KIAA0825: variants seen among roughly 807,000 people sequenced by gnomAD.
KIAA0825 encodes uncharacterized protein KIAA0825.
KIAA0825 carries 119 observed loss-of-function variants against 147.6 expected under a neutral mutation model. The ratio of observed to expected loss-of-function variants is 0.81; its 90% CI spans 0.69 to 0.94. KIAA0825 has a LOEUF of 0.94. Among genes scored for constraint, KIAA0825 ranks in the 40% least tolerant of loss-of-function variants. KIAA0825 has a pLI of 0.00. For missense variants in KIAA0825, 1,381 were observed against 1,472.7 expected, an observed-to-expected ratio of 0.94 and a Z score of 1.02; for synonymous variants, 470 against 518.1, an observed-to-expected ratio of 0.91 and a Z score of 1.26.
chr5:94,581,789 C>T (rs1300181515), intron 2 of KIAA0825, among the ~76,000 whole-genome samples: 1 of 152,148 alleles, frequency 6.6e-6, no homozygotes, highest in African/African-American at 2.4e-5. Flanking sequence ...AGAAGTAGTG[C>T]ATAAAACATT....
intron 20 of KIAA0825, among the ~76,000 whole-genome samples, chr5:94,250,078 A>C (rs984682078): frequency 6.6e-6 from 1 of 152,114 alleles, no homozygotes; most frequent in Non-Finnish European, 1.5e-5. Flanking sequence ...TAATATACAC[A>C]CATGCACACC....
chr5:94,558,864 C>G (rs1210104695), intron 2 of KIAA0825, among the ~76,000 whole-genome samples: 1 of 152,204 alleles, frequency 6.6e-6, no homozygotes, highest in Non-Finnish European at 1.5e-5. Flanking sequence ...ATGTCCTTAT[C>G]TCTGAAGACA....
intron 14 of KIAA0825, among the ~76,000 whole-genome samples, chr5:94,439,433 T>G (rs1237579263): frequency 6.6e-6 from 1 of 152,162 alleles, no homozygotes; most frequent in Non-Finnish European, 1.5e-5. Flanking sequence ...AAAAAGAAAC[T>G]AATTAGGAGA....
At chr5:94,506,322 TAAGAACTATAA>T (rs1447914028) in intron 5 of KIAA0825, among the ~76,000 whole-genome samples, 6 of 152,252 alleles carry the variant, frequency 3.9e-5, no homozygotes, top group Non-Finnish European at 7.3e-5. Context: ...TTGATTATTT[TAAGAACTATAA>T]AACTTTGAAC....
chr5:94,223,443 T>G (rs2150068518), intron 20 of KIAA0825, among the ~76,000 whole-genome samples: 1 of 152,342 alleles, frequency 6.6e-6, no homozygotes, highest in South Asian at 2.1e-4. Context: ...GATGATGGTC[T>G]TTGCAGAACA....
intron 14 of KIAA0825, among the ~76,000 whole-genome samples, chr5:94,436,737 T>C (rs1203015506): frequency 6.6e-6 from 1 of 152,216 alleles, no homozygotes; most frequent in African/African-American, 2.4e-5. Flanking sequence ...ACAATATTGA[T>C]TCTTCCTTTC....
At chr5:94,345,205 C>T (rs1424332535) in intron 20 of KIAA0825, among the ~76,000 whole-genome samples, 1 of 152,042 alleles carries the variant, frequency 6.6e-6, no homozygotes, top group African/African-American at 2.4e-5. Context: ...TGGCAATATT[C>T]TATTCCTGGG....
chr5:94,599,505 A>T (rs1481335317), intron 1 of KIAA0825, among the ~76,000 whole-genome samples: 5 of 152,066 alleles, frequency 3.3e-5, no homozygotes, highest in Non-Finnish European at 5.9e-5. Flanking sequence ...AAGATATTAA[A>T]AAAAAACTCA....
chr5:94,549,913 A>C (rs1041115778), intron 2 of KIAA0825, among the ~76,000 whole-genome samples: 1 of 152,166 alleles, frequency 6.6e-6, no homozygotes, highest in African/African-American at 2.4e-5. Flanking sequence ...AATAATAAAC[A>C]TCAGAGTGGA....
rs1167886621 is a variant in KIAA0825, at chr5:94,152,803, A to C, written c.*1204T>G. Among the ~76,000 whole-genome samples the C allele has an allele frequency of 1.7e-5, 2 of 120,904 alleles. No homozygotes were observed. The highest frequency in any genetic ancestry group is 6.2e-5 in the African/African-American group (2 of 32,454). The allele number at this position is 120,904 out of a possible 152,430, so 79.3% of individuals were successfully genotyped here. On this transcript the variant is annotated 3_prime_UTR_variant, in exon 21 of 21. Transcript: ENST00000682413. Reference sequence around the variant, plus strand: ...GCACTACATTCCAGGCAACAGAGCAAGACCCTGTTTCTAAAATGAAAAAAA... The same window carrying C: ...GCACTACATTCCAGGCAACAGAGCACGACCCTGTTTCTAAAATGAAAAAAA...
At chr5:94,495,206 T>G (rs1328843409) in intron 5 of KIAA0825, among the ~76,000 whole-genome samples, 2 of 152,200 alleles carry the variant, frequency 1.3e-5, no homozygotes, top group Non-Finnish European at 2.9e-5. Context: ...CATGAGCTTA[T>G]TATTCTAAAA....
chr5:94,553,059 G>A (rs1775832144), intron 2 of KIAA0825, among the ~76,000 whole-genome samples: 2 of 152,196 alleles, frequency 1.3e-5, no homozygotes, highest in Non-Finnish European at 1.5e-5. Flanking sequence ...TGGGATGATG[G>A]ATCGACTAAT....
At chr5:94,461,772 A>C (rs1759874008) in intron 12 of KIAA0825, among the ~76,000 whole-genome samples, 2 of 151,964 alleles carry the variant, frequency 1.3e-5, no homozygotes, top group Admixed American at 6.6e-5. Flanking sequence ...TATTTAGTTA[A>C]AAAATAAAAG....
intron 20 of KIAA0825, among the ~76,000 whole-genome samples, chr5:94,244,214 T>C (rs1305453798): frequency 6.6e-6 from 1 of 152,240 alleles, no homozygotes; most frequent in East Asian, 1.9e-4. Flanking sequence ...ACTATATTTC[T>C]ACTACCTCTT....
chr5:94,591,041 A>G (rs191896256), intron 1 of KIAA0825, among the ~76,000 whole-genome samples: 2 of 152,178 alleles, frequency 1.3e-5, no homozygotes, highest in Non-Finnish European at 2.9e-5. Context: ...AGCAGCATAC[A>G]TTTTCCTTCT....
chr5:94,468,602 G>A lies in KIAA0825; in HGVS notation c.1872+1359C>T, dbSNP rs998910634. Among the ~76,000 whole-genome samples the A allele has an allele frequency of 3.3e-5, 5 of 152,238 alleles. No individual in the cohort carries two copies. In the South Asian group the frequency reaches 8.3e-4, roughly 25 times the overall value. On this transcript the variant is annotated intron_variant, in intron 10 of 20. Transcript: ENST00000682413. ...GCTCTTGCAAAAAGAAAAACTCTCT[G>A]GGAAGGGCCTCTAAAGGAGAGATGA...
intron 20 of KIAA0825, among the ~76,000 whole-genome samples, chr5:94,155,205 TTTTC>T (rs1386245970): frequency 5.3e-5 from 8 of 149,810 alleles, no homozygotes; most frequent in Non-Finnish European, 1.2e-4. Context: ...AGCAACTGTA[TTTTC>T]TTTCTTTTTT....
At chr5:94,562,963 A>G (rs1446570226) in intron 2 of KIAA0825, among the ~76,000 whole-genome samples, 6 of 152,192 alleles carry the variant, frequency 3.9e-5, no homozygotes, top group Non-Finnish European at 8.8e-5. Flanking sequence ...GTAACAGCTA[A>G]TAAGTCAAAT....
intron 20 of KIAA0825, among the ~76,000 whole-genome samples, chr5:94,298,892 G>A (rs747056078): frequency 2.0e-5 from 3 of 152,130 alleles, no homozygotes; most frequent in Non-Finnish European, 4.4e-5. Context: ...TCACCACAGA[G>A]AAATATTTAG....
Sources: allele counts gnomAD v4.1 joint callset (sites outside exome capture counted in the v4.1 genomes callset), GRCh38; gene constraint gnomAD v4.1.1; transcripts MANE v1.5; gene names NCBI Gene and HGNC (gene_info 2026-07-23, HGNC 2026-07-21).